The following GAS7 variants were observed in gnomAD, a reference collection of about 807,000 sequenced individuals.
GAS7 encodes the protein growth arrest specific 7.
Under a neutral mutation model 71.1 loss-of-function variants are expected in GAS7, and 28 were observed. The observed-to-expected ratio is 0.39, with a 90% CI of 0.29 to 0.54. GAS7 has a LOEUF of 0.54. Among genes scored for constraint, GAS7 ranks in the 20% least tolerant of loss-of-function variants. The pLI is 0.62. For missense variants in GAS7, 436 were observed against 627.8 expected, an observed-to-expected ratio of 0.69 and a Z score of 3.27; for synonymous variants, 258 against 245.8, an observed-to-expected ratio of 1.05 and a Z score of -0.46.
intron 1 of GAS7, chr17:10,059,730 C>A: frequency 1.0e-6 from 1 of 985,442 alleles, no homozygotes; most frequent in East Asian, 1.1e-4. Flanking sequence ...ATCTGACACG[C>A]TGGTCATTTT....
chr17:10,007,692 C>A (rs2071596605), intron 2 of GAS7, among the ~76,000 whole-genome samples: 1 of 151,012 alleles, frequency 6.6e-6, no homozygotes, highest in South Asian at 2.1e-4. Flanking sequence ...TAAACGCCCA[C>A]CATGCCCACA....
intron 1 of GAS7, among the ~76,000 whole-genome samples, chr17:10,162,592 CTG>C (rs2074264948): frequency 6.6e-6 from 1 of 152,150 alleles, no homozygotes; most frequent in Non-Finnish European, 1.5e-5. Context: ...TGGCTATTTA[CTG>C]TGTTAAGTTT....
chr17:10,044,433 C>T (rs1597742504), intron 1 of GAS7, among the ~76,000 whole-genome samples: 1 of 152,086 alleles, frequency 6.6e-6, no homozygotes, highest in Non-Finnish European at 1.5e-5. Context: ...ACATCTTTGC[C>T]TTTGTTTACA....
intron 1 of GAS7, among the ~76,000 whole-genome samples, chr17:10,179,752 A>C (rs1324934762): frequency 6.6e-6 from 1 of 152,192 alleles, no homozygotes. Context: ...CAAGATTGAA[A>C]CTGACTTAAG....
chr17:10,190,147 C>G (rs1288754231), intron 1 of GAS7, among the ~76,000 whole-genome samples: 1 of 152,216 alleles, frequency 6.6e-6, no homozygotes, highest in Non-Finnish European at 1.5e-5. Context: ...GATGCTCTCA[C>G]TGCTTGTCAC....
At chr17:9,988,629 G>A (rs986686133) in intron 2 of GAS7, among the ~76,000 whole-genome samples, 3 of 152,114 alleles carry the variant, frequency 2.0e-5, no homozygotes, top group African/African-American at 7.2e-5. Context: ...GGAGGTTGTG[G>A]TGAGCAGAGA....
intron 2 of GAS7, among the ~76,000 whole-genome samples, chr17:10,005,466 A>C (rs2071492752): frequency 6.6e-6 from 1 of 151,058 alleles, no homozygotes; most frequent in African/African-American, 2.5e-5. Flanking sequence ...ACAGAACTAA[A>C]CACGGAAAAC....
At chr17:10,002,152 C>G (rs1024578135) in intron 2 of GAS7, among the ~76,000 whole-genome samples, 3 of 152,186 alleles carry the variant, frequency 2.0e-5, no homozygotes, top group Non-Finnish European at 4.4e-5. Context: ...AGAACAGAAA[C>G]GTATTGTTAC....
intron 1 of GAS7, among the ~76,000 whole-genome samples, chr17:10,094,715 G>A (rs12602994): frequency 0.23 from 34,663 of 151,858 alleles, 4,214 homozygotes; most frequent in Admixed American, 0.28. Context: ...TGATCCGCCC[G>A]CCTCGGCCTC....
At chr17:10,017,685 CATAG>C (rs1245181358) in intron 2 of GAS7, among the ~76,000 whole-genome samples, 1 of 152,170 alleles carries the variant, frequency 6.6e-6, no homozygotes, top group Admixed American at 6.5e-5. Context: ...TTTTCGGATC[CATAG>C]ATAAAGTCTT....
chr17:9,925,028 A>T (rs2067946094), intron 11 of GAS7, among the ~76,000 whole-genome samples: 1 of 152,238 alleles, frequency 6.6e-6, no homozygotes, highest in South Asian at 2.1e-4. Flanking sequence ...CCATCCCCAT[A>T]GGTGAACCTT....
intron 1 of GAS7, among the ~76,000 whole-genome samples, chr17:10,084,788 C>T (rs2073499186): frequency 6.6e-6 from 1 of 152,182 alleles, no homozygotes; most frequent in Admixed American, 6.5e-5. Flanking sequence ...ATCTTAATAG[C>T]AGCCCGCTCT....
chr17:9,947,695 G>A (rs1025364446), intron 5 of GAS7, among the ~76,000 whole-genome samples: 10 of 151,298 alleles, frequency 6.6e-5, no homozygotes, highest in African/African-American at 2.4e-4. Flanking sequence ...AGTGAGCCGA[G>A]ATGGCACCAT....
chr17:10,037,559 CG>C (rs754272457), intron 1 of GAS7, among the ~76,000 whole-genome samples: 2 of 151,984 alleles, frequency 1.3e-5, no homozygotes, highest in African/African-American at 2.4e-5. Flanking sequence ...CTCCTTGGGT[CG>C]GGGGAAGAAA....
At chr17:10,010,257 C>G (rs2071715670) in intron 2 of GAS7, among the ~76,000 whole-genome samples, 1 of 152,032 alleles carries the variant, frequency 6.6e-6, no homozygotes, top group Non-Finnish European at 1.5e-5. Flanking sequence ...TCACGCCATT[C>G]TCCTGCCTCA....
At chr17:10,059,858 C>T (rs761765582) in intron 1 of GAS7, 32 of 968,558 alleles carry the variant, frequency 3.3e-5, no homozygotes, top group African/African-American at 2.3e-4. Context: ...AGAGACTTGA[C>T]GTTGCCGTGG....
chr17:9,934,298 C>T, intron 8 of GAS7, 54 bp from the exon 9 acceptor site: 1 of 1,263,344 alleles, frequency 7.9e-7, no homozygotes, highest in Admixed American at 1.8e-5. Flanking sequence ...CTTCCTGAGG[C>T]AGGATGGTGG....
chr17:10,128,631 CTTTT>C (rs113967374), intron 1 of GAS7, among the ~76,000 whole-genome samples: 6 of 142,042 alleles, frequency 4.2e-5, no homozygotes, highest in Admixed American at 1.4e-4. Context: ...TTTCTTTTCT[CTTTT>C]TTTTTTTTTT....
intron 5 of GAS7, among the ~76,000 whole-genome samples, chr17:9,953,391 C>T (rs1483087654): frequency 6.6e-6 from 1 of 152,208 alleles, no homozygotes; most frequent in African/African-American, 2.4e-5. Flanking sequence ...TGTCCTCTCT[C>T]ATTTTGGGAT....
Sources: allele counts gnomAD v4.1 joint callset (sites outside exome capture counted in the v4.1 genomes callset), GRCh38; gene constraint gnomAD v4.1.1; transcripts MANE v1.5; gene names NCBI Gene and HGNC (gene_info 2026-07-23, HGNC 2026-07-21).